NHSL1: variants seen among roughly 807,000 people sequenced by gnomAD.
The protein encoded by NHSL1 is NHS-like protein 1.
Under a neutral mutation model 95.0 loss-of-function variants are expected in NHSL1, and 48 were observed. That is an observed-to-expected ratio of 0.51 (90% CI 0.40 to 0.64). NHSL1 has a LOEUF of 0.64. NHSL1 is among the 30% of genes least tolerant of loss of function. The probability of loss-of-function intolerance (pLI) is 0.00; values close to 1 mark genes in which losing one functional copy is unlikely to be tolerated. For missense variants in NHSL1, 1,971 were observed against 2,077.7 expected (o/e 0.95, Z 1.00); for synonymous variants, 783 against 833.9 (o/e 0.94, Z 1.05).
chr6:138,443,122 A>T (rs1776638263), intron 4 of NHSL1, among the ~76,000 whole-genome samples: 2 of 152,174 alleles, frequency 1.3e-5, no homozygotes, highest in East Asian at 3.9e-4. Context: ...ATAAAAGTAT[A>T]AAACATTCAC....
chr6:138,445,200 A>G (rs1380980981), intron 4 of NHSL1, among the ~76,000 whole-genome samples: 3 of 152,156 alleles, frequency 2.0e-5, no homozygotes, highest in Admixed American at 2.0e-4. Flanking sequence ...ATTTCACCTT[A>G]ATTCCATTAA....
At chr6:138,623,098 GC>G (rs1334727617) in intron 1 of NHSL1, among the ~76,000 whole-genome samples, 1 of 152,242 alleles carries the variant, frequency 6.6e-6, no homozygotes, top group Non-Finnish European at 1.5e-5. Flanking sequence ...AGGATGTTGA[GC>G]AGGTGTGCAA....
chr6:138,667,718 A>G (rs963462086), intron 1 of NHSL1, among the ~76,000 whole-genome samples: 4 of 152,268 alleles, frequency 2.6e-5, no homozygotes, highest in Admixed American at 1.3e-4. Context: ...TTGCCTGCTC[A>G]GGGAATGTAT....
chr6:138,586,101 C>CT (rs79450363), intron 1 of NHSL1, among the ~76,000 whole-genome samples: 8,563 of 140,436 alleles, frequency 0.061, 257 homozygotes, highest in South Asian at 0.082. Flanking sequence ...GTGTCAAAAC[C>CT]TTTTTTTTTT....
chr6:138,517,014 A>T (rs1467601447), intron 1 of NHSL1, among the ~76,000 whole-genome samples: 1 of 152,268 alleles, frequency 6.6e-6, no homozygotes. Flanking sequence ...TTTTAAAAAT[A>T]GACAAAATGT....
Position 138,545,539 on chromosome 6 carries a change from G to A in NHSL1, c.16+84C>T, listed in dbSNP as rs1400550889. On this transcript the variant is annotated intron_variant, in intron 1 of 4. Coordinates refer to the NHSL1 transcript ENST00000342260. The stretch of plus-strand genomic sequence containing the variant: ...CAAACTTTGATTTTTACTGGAATCA[G>A]CTCTGTGATTTAGACTCTGATGCTA... 3.0e-6 allele frequency: 3 copies of A among 996,196 alleles called. No individual in the cohort carries two copies. The African/African-American group carries it at 5.0e-5, about 17-fold the overall frequency. 61.7% of individuals were successfully genotyped at this position (996,196 alleles called of 1,614,324 possible).
chr6:138,560,739 G>A (rs1307127731), intron 1 of NHSL1, among the ~76,000 whole-genome samples: 2 of 152,078 alleles, frequency 1.3e-5, no homozygotes, highest in Admixed American at 6.5e-5. Context: ...AAGAATCCCC[G>A]ACCAATCAAG....
Position 138,433,650 on chromosome 6 carries a change from C to T in NHSL1, c.695G>A (p.Gly232Asp). The T allele has an allele frequency of 6.5e-7, 1 of 1,544,722 alleles. No individual in the cohort carries two copies. The highest frequency in any genetic ancestry group is 2.5e-5 in the East Asian group (1 of 40,712). Residue 232 changes from glycine (G) to aspartate (D), a missense_variant, in exon 6 of 8, where the codon GGC becomes GAC. Physicochemically the swap from Gly to Asp is moderately conservative, Grantham distance 94. Around this residue, in one of 3 missense-constraint regions of NHSL1, gnomAD observed 1,602 missense variants for 1,654.5 expected, o/e 0.97. Coordinates refer to ENST00000343505, the MANE Select transcript of NHSL1 (RefSeq NM_001144060.2). ...GTGATCAGGGGTGTACACTGAGTGG[C>T]CATCAGCATCATCTTGGCCAGTGCC... is the stretch of plus-strand genomic sequence containing the variant. ...ASGTGQDDAD[G>D]HSVYTPDHYS...
At chr6:138,576,721 C>A (rs552089194), upstream of NHSL1, among the ~76,000 whole-genome samples, 2 of 152,156 alleles carry the variant, frequency 1.3e-5, no homozygotes, top group African/African-American at 2.4e-5. Context: ...CCTTCACCAG[C>A]GGGACGGAAG....
At chr6:138,677,046 G>C (rs1364309282) in intron 1 of NHSL1, among the ~76,000 whole-genome samples, 2 of 152,208 alleles carry the variant, frequency 1.3e-5, no homozygotes, top group Non-Finnish European at 2.9e-5. Flanking sequence ...CTGATGGACA[G>C]GTTACAGAAG....
chr6:138,478,468 C>A (rs1779225479), intron 2 of NHSL1, among the ~76,000 whole-genome samples: 1 of 151,976 alleles, frequency 6.6e-6, no homozygotes, highest in Non-Finnish European at 1.5e-5. Context: ...AGAGGAAATT[C>A]AGAAAATTCT....
chr6:138,500,051 C>T (rs1385654968), upstream of NHSL1, among the ~76,000 whole-genome samples: 2 of 151,650 alleles, frequency 1.3e-5, no homozygotes, highest in Non-Finnish European at 2.9e-5. Flanking sequence ...AAAGCATGAT[C>T]TTATTTGCAT....
rs1351568296 is a variant in NHSL1, at chr6:138,429,765, A to G, written c.4031T>C (p.Val1344Ala). The G allele has an allele frequency of 1.3e-6, 2 of 1,551,874 alleles. No individual in the cohort carries two copies. Among genetic ancestry groups the G allele is most frequent in the Non-Finnish European group, 1.7e-6 (2 of 1,147,026 alleles). ...DFLKEDGNDE[V>A]MTPSRPRTTE... ...GGTCCTGGGTCGACTGGGGGTCATTACCTCATCATTCCCGTCTTCCTTGAG... is the reference window on the plus strand; with the variant it reads ...GGTCCTGGGTCGACTGGGGGTCATTGCCTCATCATTCCCGTCTTCCTTGAG... Residue 1344 changes from valine (V) to alanine (A), a missense_variant, in exon 7 of 8, where the codon GTA becomes GCA. By Grantham distance (64) the Val-to-Ala change is moderately conservative. Around this residue, in one of 3 missense-constraint regions of NHSL1, gnomAD observed 146 missense variants for 206.3 expected, o/e 0.71. Coordinates refer to ENST00000343505, the MANE Select transcript of NHSL1 (RefSeq NM_001144060.2).
At chr6:138,460,471 A>T (rs554692985) in intron 3 of NHSL1, among the ~76,000 whole-genome samples, 1 of 152,170 alleles carries the variant, frequency 6.6e-6, no homozygotes, top group Non-Finnish European at 1.5e-5. Context: ...GTATATATAC[A>T]GACATTTTTT....
chr6:138,569,303 AAAAG>A (rs1562376441), intron 1 of NHSL1, among the ~76,000 whole-genome samples: 1 of 151,560 alleles, frequency 6.6e-6, no homozygotes, highest in Non-Finnish European at 1.5e-5. Context: ...GCGAGAGAGA[AAAAG>A]AGAGAGAGCG....
chr6:138,676,586 T>A (rs1785451941), intron 1 of NHSL1, among the ~76,000 whole-genome samples: 1 of 152,212 alleles, frequency 6.6e-6, no homozygotes, highest in Non-Finnish European at 1.5e-5. Context: ...GGGTAATATA[T>A]TCAAGTTCAC....
At chr6:138,428,752 G>C (rs1046682387) in intron 7 of NHSL1, among the ~76,000 whole-genome samples, 1 of 152,066 alleles carries the variant, frequency 6.6e-6, no homozygotes, top group African/African-American at 2.4e-5. Flanking sequence ...TTCACACACA[G>C]AATCAAATGA....
chr6:138,539,256 T>C (rs1178614963), intron 1 of NHSL1, among the ~76,000 whole-genome samples: 2 of 152,210 alleles, frequency 1.3e-5, no homozygotes, highest in Non-Finnish European at 2.9e-5. Context: ...GCATCCCCAA[T>C]ACCATATCCT....
chr6:138,542,430 A>G (rs6917921), intron 1 of NHSL1, among the ~76,000 whole-genome samples: 4,337 of 152,332 alleles, frequency 0.028, 197 homozygotes, highest in African/African-American at 0.099. Context: ...AACCAGTGCC[A>G]GTAGGACAAT....
Sources: gnomAD v4.1 joint callset for allele counts (sites outside exome capture counted in the v4.1 genomes callset) on GRCh38, gnomAD v4.1.1 for gene constraint, gnomAD v4.1.1 regional missense constraint, MANE v1.5 for transcripts, NCBI Gene and HGNC (gene_info 2026-07-23, HGNC 2026-07-21) for gene names.